The following DPP10 variants were observed in gnomAD, a reference collection of about 807,000 sequenced individuals.
The protein encoded by DPP10 is dipeptidyl peptidase like 10.
Under a neutral mutation model 120.9 loss-of-function variants are expected in DPP10, and 33 were observed. The observed-to-expected ratio is 0.27, with a 90% confidence interval of 0.21 to 0.37. The LOEUF is 0.37. Among genes scored for constraint, DPP10 ranks in the 10% least tolerant of loss-of-function variants. The probability of loss-of-function intolerance (pLI) is 1.00; values close to 1 mark genes in which losing one functional copy is unlikely to be tolerated. For missense variants in DPP10, 816 were observed against 942.8 expected (o/e 0.87, Z 1.76); for synonymous variants, 337 against 326.1 (o/e 1.03, Z -0.36).
intron 11 of DPP10, among the ~76,000 whole-genome samples, chr2:115,760,009 CAA>C (rs144992490): frequency 1.4e-5 from 2 of 139,076 alleles, no homozygotes; most frequent in African/African-American, 5.3e-5. Flanking sequence ...AACTCCGTCA[CAA>C]AAAAAAAATA....
intron 5 of DPP10, among the ~76,000 whole-genome samples, chr2:115,570,453 G>A (rs2081273324): frequency 6.6e-6 from 1 of 152,204 alleles, no homozygotes; most frequent in South Asian, 2.1e-4. Context: ...ATATATGGTT[G>A]AGTCTTTCAC....
At chr2:114,661,954 C>T (rs779316699) in intron 1 of DPP10, among the ~76,000 whole-genome samples, 3 of 151,274 alleles carry the variant, frequency 2.0e-5, no homozygotes, top group Non-Finnish European at 2.9e-5. Flanking sequence ...TTGGGCTCTC[C>T]GGGATCGCGC....
At chr2:114,857,611 T>C (rs12990639) in intron 1 of DPP10, among the ~76,000 whole-genome samples, 40,673 of 152,100 alleles carry the variant, frequency 0.27, 6,043 homozygotes, top group East Asian at 0.58. Flanking sequence ...TTTGACTTTT[T>C]TGGGAGAGGA....
At chr2:115,542,870 T>G (rs1217557335) in intron 5 of DPP10, among the ~76,000 whole-genome samples, 1 of 151,938 alleles carries the variant, frequency 6.6e-6, no homozygotes. Context: ...TCCCTACGTG[T>G]GTAGCAAAAT....
intron 1 of DPP10, among the ~76,000 whole-genome samples, chr2:115,171,718 AAAAAAAAAAAC>A (rs1006306355): frequency 1.1e-4 from 16 of 149,972 alleles, no homozygotes; most frequent in African/African-American, 2.9e-4. Context: ...TATAACCTTA[AAAAAAAAAAAC>A]AAAAAAAAAA....
chr2:115,267,795 G>A (rs2059522765), intron 1 of DPP10, among the ~76,000 whole-genome samples: 1 of 152,094 alleles, frequency 6.6e-6, no homozygotes, highest in African/African-American at 2.4e-5. Flanking sequence ...GCTTCCATCA[G>A]ATTTAATTTG....
intron 11 of DPP10, among the ~76,000 whole-genome samples, chr2:115,760,347 C>A (rs1288806400): frequency 2.6e-5 from 4 of 152,146 alleles, no homozygotes; most frequent in Admixed American, 2.0e-4. Context: ...TGCATGATTT[C>A]AATTATCTGA....
intron 8 of DPP10, among the ~76,000 whole-genome samples, chr2:115,729,845 A>T (rs560665884): frequency 6.6e-6 from 1 of 152,240 alleles, no homozygotes; most frequent in Admixed American, 6.5e-5. Flanking sequence ...GTCAAGCCTG[A>T]ACAGTTAACA....
chr2:114,885,912 A>T (rs1558843769), intron 1 of DPP10, among the ~76,000 whole-genome samples: 1 of 152,224 alleles, frequency 6.6e-6, no homozygotes, highest in South Asian at 2.1e-4. Context: ...AATAATAGAG[A>T]CGATAATTTC....
At chr2:114,692,818 C>A (rs1699849568) in intron 1 of DPP10, among the ~76,000 whole-genome samples, 1 of 152,000 alleles carries the variant, frequency 6.6e-6, no homozygotes, top group East Asian at 1.9e-4. Context: ...TTAATTGAAC[C>A]CTTTACAATT....
At chr2:114,556,242 T>C (rs1573643392) in intron 1 of DPP10, among the ~76,000 whole-genome samples, 4 of 79,418 alleles carry the variant, frequency 5.0e-5, no homozygotes, top group South Asian at 3.8e-4. Flanking sequence ...TACATATATA[T>C]ATATATATAT....
At chr2:115,321,253 G>GT (rs1250032391) in intron 2 of DPP10, among the ~76,000 whole-genome samples, 2 of 152,068 alleles carry the variant, frequency 1.3e-5, no homozygotes, top group Admixed American at 1.3e-4. Flanking sequence ...GTGAGCTAAG[G>GT]TGGCGCCATT....
chr2:115,391,857 C>A (rs2067339530), intron 3 of DPP10, among the ~76,000 whole-genome samples: 1 of 152,030 alleles, frequency 6.6e-6, no homozygotes, highest in Non-Finnish European at 1.5e-5. Context: ...ATTTCCAGTT[C>A]ACTTCTTTGT....
At chr2:115,244,774 C>T (rs2058455017) in intron 1 of DPP10, among the ~76,000 whole-genome samples, 1 of 149,728 alleles carries the variant, frequency 6.7e-6, no homozygotes, top group African/African-American at 2.5e-5. Context: ...CTGTGTTTAC[C>T]ATTGCTATAT....
chr2:115,744,930 G>A (rs1677758529), intron 9 of DPP10, among the ~76,000 whole-genome samples: 1 of 150,230 alleles, frequency 6.7e-6, no homozygotes, highest in South Asian at 2.1e-4. Flanking sequence ...ACATCATAAG[G>A]ATAATGGCAT....
intron 4 of DPP10, among the ~76,000 whole-genome samples, chr2:115,507,568 C>T (rs996289215): frequency 1.1e-4 from 16 of 152,192 alleles, no homozygotes; most frequent in Middle Eastern, 3.4e-3. Context: ...AGGGTTCAAA[C>T]TATATAGATC....
intron 3 of DPP10, among the ~76,000 whole-genome samples, chr2:115,456,400 G>A (rs973212876): frequency 2.6e-5 from 4 of 152,144 alleles, no homozygotes; most frequent in African/African-American, 9.7e-5. Context: ...AAGACAGTGT[G>A]GTGATTCCTC....
chr2:115,741,173 C>T (rs1677214810), intron 9 of DPP10, among the ~76,000 whole-genome samples: 1 of 152,046 alleles, frequency 6.6e-6, no homozygotes, highest in Non-Finnish European at 1.5e-5. Context: ...ATAAAATGAG[C>T]ATATTCCTCA....
chr2:115,398,960 C>A (rs2067871944), intron 3 of DPP10, among the ~76,000 whole-genome samples: 1 of 152,130 alleles, frequency 6.6e-6, no homozygotes, highest in African/African-American at 2.4e-5. Context: ...TGGCTGCTGT[C>A]ACATAGAGAG....
Sources: gnomAD v4.1 joint callset for allele counts (sites outside exome capture counted in the v4.1 genomes callset) on GRCh38, gnomAD v4.1.1 for gene constraint, MANE v1.5 for transcripts, NCBI Gene and HGNC (gene_info 2026-07-23, HGNC 2026-07-21) for gene names.